The following CAMTA1 variants were observed in gnomAD, a reference collection of about 807,000 sequenced individuals.
CAMTA1 encodes the protein calmodulin-binding transcription activator 1.
CAMTA1 carries 27 observed loss-of-function variants against 170.9 expected under a neutral mutation model. The observed-to-expected ratio is 0.16, with a 90% CI of 0.12 to 0.22. CAMTA1 has a LOEUF of 0.22. Ranked by LOEUF, CAMTA1 falls within the 10% of genes least tolerant of loss-of-function variation. The pLI, the probability that CAMTA1 is intolerant of heterozygous loss-of-function variation, is 1.00. For missense variants in CAMTA1, 1,619 were observed against 2,217.2 expected, an observed-to-expected ratio of 0.73 and a Z score of 5.42; for synonymous variants, 833 against 891.5, an observed-to-expected ratio of 0.93 and a Z score of 1.17.
At chr1:7,553,226 A>C (rs2094830249) in intron 6 of CAMTA1, among the ~76,000 whole-genome samples, 1 of 12,986 alleles carries the variant, frequency 7.7e-5, no homozygotes, top group Non-Finnish European at 1.6e-4. Context: ...TGAGTGAATG[A>C]ATGAGGGAAT....
chr1:7,253,026 T>C (rs1222715153), intron 5 of CAMTA1, among the ~76,000 whole-genome samples: 1 of 152,140 alleles, frequency 6.6e-6, no homozygotes, highest in East Asian at 1.9e-4. Flanking sequence ...ATTAGTTGTC[T>C]TGTCTGCAAG....
intron 5 of CAMTA1, among the ~76,000 whole-genome samples, chr1:7,331,065 C>T (rs1170088531): frequency 6.6e-6 from 1 of 152,126 alleles, no homozygotes; most frequent in Non-Finnish European, 1.5e-5. Context: ...CATGGCAAAA[C>T]CCCGTCTCTA....
rs765139922 is a variant in CAMTA1 at position 6,995,295 on chromosome 1, C to CTTTT, written c.235-95988_235-95985dup. ...TCCTTTAAAATCTTTTTTTTCTTTTCTTTTTTTTTTTTTTTTTTTTTTTTG... is the reference window on the plus strand; with the variant it reads ...TCCTTTAAAATCTTTTTTTTCTTTTCTTTTTTTTTTTTTTTTTTTTTTTTTTTTG... On this transcript the variant is annotated intron_variant, in intron 3 of 22. Coordinates refer to ENST00000303635, the MANE Select transcript of CAMTA1 (RefSeq NM_015215.4). 5.0e-3 allele frequency among the ~76,000 whole-genome samples: 306 copies of CTTTT among 60,598 alleles called. 30 individuals carry two copies. The highest frequency in any genetic ancestry group is 0.012 in the African/African-American group (169 of 14,604). 39.8% of individuals were successfully genotyped at this position (60,598 alleles called of 152,430 possible). A position where few individuals can be genotyped will look rare whatever the true frequency, so the allele number is the denominator to read the frequency against.
intron 5 of CAMTA1, among the ~76,000 whole-genome samples, chr1:7,365,617 C>T (rs1226032287): frequency 6.6e-6 from 1 of 152,170 alleles, no homozygotes; most frequent in Non-Finnish European, 1.5e-5. Flanking sequence ...TCCTCCTGGA[C>T]CCCCTTCTTG....
chr1:7,170,180 T>C (rs1474996671), intron 4 of CAMTA1, among the ~76,000 whole-genome samples: 1 of 152,212 alleles, frequency 6.6e-6, no homozygotes, highest in Non-Finnish European at 1.5e-5. Flanking sequence ...TTTCTAAATA[T>C]GTTTTAGCGT....
At chr1:7,628,267 C>A (rs2095646610) in intron 6 of CAMTA1, among the ~76,000 whole-genome samples, 1 of 152,214 alleles carries the variant, frequency 6.6e-6, no homozygotes, top group African/African-American at 2.4e-5. Context: ...ACCCCTGCCT[C>A]CAAGTGACTC....
chr1:6,841,201 C>G (rs1039692195), intron 3 of CAMTA1, among the ~76,000 whole-genome samples: 3 of 152,188 alleles, frequency 2.0e-5, no homozygotes, highest in Non-Finnish European at 2.9e-5. Context: ...TTTTAAGGAC[C>G]CTTTTAATTA....
At chr1:7,301,606 G>A (rs536034077) in intron 5 of CAMTA1, among the ~76,000 whole-genome samples, 3 of 152,244 alleles carry the variant, frequency 2.0e-5, no homozygotes, top group Admixed American at 1.3e-4. Context: ...ACCAGATCTC[G>A]GGGGAGTCTG....
chr1:7,446,485 A>G (rs2092683765), intron 5 of CAMTA1, among the ~76,000 whole-genome samples: 1 of 152,076 alleles, frequency 6.6e-6, no homozygotes, highest in African/African-American at 2.4e-5. Context: ...TACGAGAGGG[A>G]GGCTGAGAGA....
intron 5 of CAMTA1, among the ~76,000 whole-genome samples, chr1:7,394,534 G>A (rs1270423523): frequency 6.6e-6 from 1 of 152,066 alleles, no homozygotes; most frequent in East Asian, 1.9e-4. Flanking sequence ...TTTTTAATCA[G>A]ATTATTTGTT....
intron 3 of CAMTA1, among the ~76,000 whole-genome samples, chr1:7,037,049 G>T (rs146194118): frequency 1.3e-5 from 2 of 152,278 alleles, no homozygotes; most frequent in African/African-American, 4.8e-5. Flanking sequence ...TAAAACAAAA[G>T]AACCTTTTGA....
chr1:6,971,076 T>A lies in CAMTA1; in HGVS notation c.235-120228T>A, dbSNP rs947744828. ...TTCTTTCCAAAGGGGCTTGGCTTTCTGTCACCCAGCAGCCAGCTCCATTGT... is the reference window on the plus strand; with the variant it reads ...TTCTTTCCAAAGGGGCTTGGCTTTCAGTCACCCAGCAGCCAGCTCCATTGT... On this transcript the variant is annotated intron_variant, in intron 3 of 22. Transcript: ENST00000303635. This position sits in a 1 kb window ranked among gnomAD's most constrained non-coding sequence, Gnocchi z 4.6. Among the ~76,000 whole-genome samples, 3 of 152,220 alleles carry A rather than the reference T, an allele frequency of 2.0e-5. No homozygotes were observed. The highest frequency in any genetic ancestry group is 4.4e-5 in the Non-Finnish European group (3 of 68,036).
chr1:7,029,121 T>C (rs1171060968), intron 3 of CAMTA1, among the ~76,000 whole-genome samples: 1 of 152,166 alleles, frequency 6.6e-6, no homozygotes, highest in Non-Finnish European at 1.5e-5. Flanking sequence ...TAACAAGGAT[T>C]ATAGTTTGAG....
intron 4 of CAMTA1, among the ~76,000 whole-genome samples, chr1:7,099,555 A>G (rs573103064): frequency 2.6e-5 from 4 of 152,252 alleles, no homozygotes; most frequent in East Asian, 1.9e-4. Context: ...TGATTTGTCA[A>G]TTTTAGACAT....
In CAMTA1 at chr1:7,634,984, A is replaced by C. The variant is rs1259175104; in HGVS notation, c.511-5416A>C. Among the ~76,000 whole-genome samples, 1 of 152,120 alleles carries C rather than the reference A, an allele frequency of 6.6e-6. No homozygotes were observed. On this transcript the variant is annotated intron_variant, in intron 6 of 22. Transcript: ENST00000303635. This position sits in a 1 kb window ranked among gnomAD's most constrained non-coding sequence, Gnocchi z 6.2. Reference sequence around the variant, plus strand: ...ATCCCCTCGTCCACGGCTCTTCCAGAAGGCTGTGGAACTTCTCTGAGACTT... The same window carrying C: ...ATCCCCTCGTCCACGGCTCTTCCAGCAGGCTGTGGAACTTCTCTGAGACTT...
At chr1:6,977,079 C>CTTTATTA (rs1300154181) in intron 3 of CAMTA1, among the ~76,000 whole-genome samples, 2 of 152,180 alleles carry the variant, frequency 1.3e-5, no homozygotes, top group Non-Finnish European at 2.9e-5. Context: ...ATTATCCAGT[C>CTTTATTA]TCGGGTCTGT....
At chr1:7,524,006 G>C (rs2094400580) in intron 6 of CAMTA1, among the ~76,000 whole-genome samples, 1 of 152,160 alleles carries the variant, frequency 6.6e-6, no homozygotes, top group African/African-American at 2.4e-5. Flanking sequence ...TTTGAGACCA[G>C]CCTGGCCAAT....
chr1:6,864,392 C>T (rs913953990), intron 3 of CAMTA1, among the ~76,000 whole-genome samples: 5 of 152,176 alleles, frequency 3.3e-5, no homozygotes, highest in Non-Finnish European at 5.9e-5. Context: ...AGTCTCCACC[C>T]AGATGCCAAT....
chr1:7,045,496 C>T (rs1705230292), intron 3 of CAMTA1, among the ~76,000 whole-genome samples: 1 of 152,220 alleles, frequency 6.6e-6, no homozygotes. Context: ...CCCCAGCAGG[C>T]CAACCTCAAA....
Sources: allele counts gnomAD v4.1 joint callset (sites outside exome capture counted in the v4.1 genomes callset), GRCh38; gene constraint gnomAD v4.1.1; non-coding constraint Gnocchi (gnomAD v3.1); transcripts MANE v1.5; gene names NCBI Gene and HGNC (gene_info 2026-07-23, HGNC 2026-07-21).